The following SMAD7 variants were observed in gnomAD, a reference collection of about 807,000 sequenced individuals.
SMAD7 encodes the protein MAD (mothers against decapentaplegic, Drosophila) homolog 7.
Under a neutral mutation model 38.7 loss-of-function variants are expected in SMAD7, and 8 were observed. The ratio of observed to expected loss-of-function variants is 0.21; its 90% confidence interval spans 0.12 to 0.37. The LOEUF (loss-of-function observed/expected upper bound fraction) is 0.37. SMAD7 is among the 10% of genes least tolerant of loss of function. The pLI is 1.00. For synonymous variants in SMAD7, 327 were observed against 265.1 expected, an observed-to-expected ratio of 1.23 and a Z score of -2.27; for missense variants, 477 against 577.9, an observed-to-expected ratio of 0.83 and a Z score of 1.79.
At chr18:48,936,469 C>T (rs1331840804) in intron 3 of SMAD7, among the ~76,000 whole-genome samples, 1 of 152,188 alleles carries the variant, frequency 6.6e-6, no homozygotes, top group East Asian at 1.9e-4. Context: ...AAAAGGAAAC[C>T]CGGTCCCATG....
chr18:48,949,295 C>A, intron 1 of SMAD7: 1 of 985,000 alleles, frequency 1.0e-6, no homozygotes, highest in Non-Finnish European at 1.2e-6. Context: ...ACGACAGTAT[C>A]TGGGCCACTG....
At chr18:48,924,062 G>A (rs1166195463) in intron 3 of SMAD7, among the ~76,000 whole-genome samples, 1 of 152,212 alleles carries the variant, frequency 6.6e-6, no homozygotes, top group African/African-American at 2.4e-5. Context: ...TGTGAAGCGG[G>A]GGAGAAAGCC....
Position 48,935,893 on chromosome 18 carries a change from A to G in SMAD7, c.742+6588T>C, listed in dbSNP as rs556090143. Among the ~76,000 whole-genome samples, 6 of 152,106 alleles carry G rather than the reference A, an allele frequency of 3.9e-5. No individual in the cohort carries two copies. In the East Asian group the frequency reaches 1.2e-3, roughly 29 times the overall value. On this transcript the variant is annotated intron_variant, in intron 3 of 3. Coordinates refer to ENST00000262158, the MANE Select transcript of SMAD7 (RefSeq NM_005904.4). ...TAGGAGTTCGAGACCAGTCTGGCCA[A>G]CATGGTGAAACGCCCTTTCTACTAG... is the stretch of plus-strand genomic sequence containing the variant.
At chr18:48,925,007 C>T (rs913420164) in intron 3 of SMAD7, among the ~76,000 whole-genome samples, 1 of 152,224 alleles carries the variant, frequency 6.6e-6, no homozygotes, top group African/African-American at 2.4e-5. Flanking sequence ...TTCCCTGAAT[C>T]GGGCCCACAG....
At chr18:48,931,007 C>A (rs59223542) in intron 3 of SMAD7, among the ~76,000 whole-genome samples, 44,353 of 152,078 alleles carry the variant, frequency 0.29, 8,023 homozygotes, top group African/African-American at 0.51. Context: ...TTCTGACATA[C>A]GCTAGAGTAT....
At chr18:48,947,695 G>A (rs763970707) in intron 2 of SMAD7, among the ~76,000 whole-genome samples, 9 of 152,146 alleles carry the variant, frequency 5.9e-5, no homozygotes, top group African/African-American at 1.4e-4. Flanking sequence ...TGCTGCTGCC[G>A]GCCAGAAGTT....
At chr18:48,941,722 T>A in intron 3 of SMAD7, among the ~76,000 whole-genome samples, 1 of 152,196 alleles carries the variant, frequency 6.6e-6, no homozygotes, top group East Asian at 1.9e-4. Flanking sequence ...CAGAACAACA[T>A]GAAATGCGTC....
rs757508822 is a variant in SMAD7 at position 48,942,661 on chromosome 18, CAAAAGGCT to C, written c.668-114_668-107del. On this transcript the variant is annotated intron_variant, in intron 2 of 3. Transcript: ENST00000262158. ...AGCATGAAAGACAAACCACACATTC[CAAAAGGCT>C]GACTCGCGGCCTTGATGCTGATTAT... 7 of 1,593,836 alleles carry C rather than the reference CAAAAGGCT, an allele frequency of 4.4e-6. No homozygotes were observed. The South Asian group carries it at 6.7e-5, about 15-fold the overall frequency.
At chr18:48,927,872 A>C (rs1599222517) in intron 3 of SMAD7, among the ~76,000 whole-genome samples, 1 of 152,272 alleles carries the variant, frequency 6.6e-6, no homozygotes, top group East Asian at 1.9e-4. Context: ...GCTGCATACT[A>C]TCACCAGCCT....
intron 3 of SMAD7, among the ~76,000 whole-genome samples, chr18:48,935,275 G>C (rs974370727): frequency 6.6e-6 from 1 of 152,212 alleles, no homozygotes; most frequent in Non-Finnish European, 1.5e-5. Flanking sequence ...ATTGAGAACT[G>C]TGCCTCAGCA....
chr18:48,950,346 C>T lies in SMAD7; in HGVS notation c.79G>A (p.Gly27Ser), dbSNP rs1428261632. 7.8e-6 allele frequency: 12 copies of T among 1,542,238 alleles called. No individual in the cohort carries two copies. In the Admixed American group the frequency reaches 2.2e-4, roughly 28 times the overall value. ...RAPGGEDEEE[G>S]AGGGGGGGEL... is the part of the protein sequence containing the mutation. ...CCTCCTCCTCCACCTCCCCCTGCGC[C>T]CTCCTCCTCGTCCTCGCCGCCGGGC... is the stretch of plus-strand genomic sequence containing the variant. The change falls in exon 1 of 4, where the codon GGC (glycine) becomes AGC (serine). Residue 27 changes from glycine (G) to serine (S), a missense_variant. By Grantham distance (56) the Gly-to-Ser change is moderately conservative (BLOSUM62 0). Transcript: ENST00000262158.
At chr18:48,941,798 G>A (rs889224487) in intron 3 of SMAD7, among the ~76,000 whole-genome samples, 6 of 152,146 alleles carry the variant, frequency 3.9e-5, no homozygotes, top group Non-Finnish European at 7.4e-5. Context: ...GAACAACAAT[G>A]CTCTGGCTAC....
chr18:48,925,664 C>T (rs1340839733), intron 3 of SMAD7, among the ~76,000 whole-genome samples: 3 of 152,224 alleles, frequency 2.0e-5, no homozygotes, highest in African/African-American at 7.2e-5. Context: ...ATGAACCTCA[C>T]ACCCCAGGTC....
intron 3 of SMAD7, among the ~76,000 whole-genome samples, chr18:48,922,597 C>A (rs775135657): frequency 6.6e-6 from 1 of 152,102 alleles, no homozygotes; most frequent in Non-Finnish European, 1.5e-5. Context: ...CAGCAGCAGC[C>A]CTGTACACAA....
chr18:48,947,992 C>T (rs765443351), intron 2 of SMAD7, among the ~76,000 whole-genome samples: 22 of 151,776 alleles, frequency 1.4e-4, no homozygotes, highest in Non-Finnish European at 2.2e-4. Context: ...ACCGTCTTCC[C>T]ATCTATCGAA....
intron 3 of SMAD7, among the ~76,000 whole-genome samples, chr18:48,930,443 G>A (rs2069984498): frequency 1.3e-5 from 2 of 152,154 alleles, no homozygotes; most frequent in African/African-American, 2.4e-5. Flanking sequence ...CCACCCAGAA[G>A]CTGCTGTCAC....
intron 3 of SMAD7, among the ~76,000 whole-genome samples, chr18:48,929,569 T>TCTCTCTCTCACACA (rs3082710): frequency 1.2e-4 from 14 of 114,626 alleles, no homozygotes; most frequent in Middle Eastern, 4.7e-3. Flanking sequence ...TCTCTCTCTC[T>TCTCTCTCTCACACA]CACTCACACA....
chr18:48,941,777 C>T (rs145022622), intron 3 of SMAD7, among the ~76,000 whole-genome samples: 6 of 152,314 alleles, frequency 3.9e-5, no homozygotes, highest in East Asian at 3.9e-4. Context: ...GCCCTCTTTT[C>T]GCATCCTCAG....
At chr18:48,942,834 T>C in intron 2 of SMAD7, 1 of 1,231,094 alleles carries the variant, frequency 8.1e-7, no homozygotes, top group Non-Finnish European at 1.0e-6. Flanking sequence ...GCATTACCAG[T>C]CCCCCATTAC....
Sources: gnomAD v4.1 joint callset for allele counts (sites outside exome capture counted in the v4.1 genomes callset) on GRCh38, gnomAD v4.1.1 for gene constraint, MANE v1.5 for transcripts, NCBI Gene and HGNC (gene_info 2026-07-23, HGNC 2026-07-21) for gene names.